Variants in NBAS observed in about 807,000 individuals in gnomAD.
NBAS encodes the protein NBAS subunit of NRZ tethering complex.
Under a neutral mutation model 302.5 loss-of-function variants are expected in NBAS, and 219 were observed. That is an observed-to-expected ratio of 0.72 (90% CI 0.65 to 0.81). The LOEUF (loss-of-function observed/expected upper bound fraction) is 0.81. Ranked by LOEUF, NBAS falls within the 30% of genes least tolerant of loss-of-function variation. The pLI is 0.00. For missense variants in NBAS, 2,932 were observed against 2,841.6 expected, an observed-to-expected ratio of 1.03 and a Z score of -0.72; for synonymous variants, 1,118 against 1,021.6, an observed-to-expected ratio of 1.09 and a Z score of -1.80.
chr2:15,417,321 G>C (rs1227001185), intron 24 of NBAS, among the ~76,000 whole-genome samples: 1 of 152,136 alleles, frequency 6.6e-6, no homozygotes, highest in African/African-American at 2.4e-5. Context: ...TCTGAGTAAA[G>C]GGCAAGCAAG....
the NBAS span, among the ~76,000 whole-genome samples, chr2:14,818,892 C>T: frequency 6.6e-6 from 1 of 151,990 alleles, no homozygotes; most frequent in Admixed American, 6.6e-5. Flanking sequence ...GGTCTTTGAA[C>T]ATCTACACTT....
intron 6 of NBAS, among the ~76,000 whole-genome samples, chr2:15,542,892 T>C (rs1310974233): frequency 6.6e-6 from 1 of 150,970 alleles, no homozygotes; most frequent in Non-Finnish European, 1.5e-5. Context: ...TGCTTTTATA[T>C]GCTAGTTACA....
the NBAS span, among the ~76,000 whole-genome samples, chr2:15,145,376 C>T: frequency 1.4e-5 from 2 of 147,472 alleles, no homozygotes; most frequent in African/African-American, 2.5e-5. Context: ...AGCAAAAATG[C>T]ATTGAGATGT....
At chr2:15,437,940 C>T (rs2148505261) in intron 21 of NBAS, among the ~76,000 whole-genome samples, 1 of 152,262 alleles carries the variant, frequency 6.6e-6, no homozygotes, top group South Asian at 2.1e-4. Context: ...ATATATGTGA[C>T]TGTTTCTTTA....
chr2:15,110,157 C>A, the NBAS span, among the ~76,000 whole-genome samples: 1 of 151,814 alleles, frequency 6.6e-6, no homozygotes, highest in Non-Finnish European at 1.5e-5. Context: ...AAGATGAATA[C>A]CTAAAGGAAG....
chr2:15,379,776 C>T lies in NBAS; in HGVS notation c.3416G>A (p.Gly1139Glu), dbSNP rs2148373674. The T allele has an allele frequency of 6.2e-7, 1 of 1,614,024 alleles. No individual in the cohort carries two copies. The highest frequency in any genetic ancestry group is 2.2e-5 in the East Asian group (1 of 44,848). The part of the protein sequence containing the change: ...SSRLENIHLA[G>E]QMMHCSACSE... Reference sequence around the variant, plus strand: ...ACAAGCACTGCAGTGCATCATCTGTCCAGCCAGGTGGATGTTTTCAAGGCG... The same window carrying T: ...ACAAGCACTGCAGTGCATCATCTGTTCAGCCAGGTGGATGTTTTCAAGGCG... Residue 1139 changes from glycine to glutamate, a missense_variant, in exon 30 of 52, where the codon GGA becomes GAA. Physicochemically the swap from Gly to Glu is moderately conservative, Grantham distance 98 (BLOSUM62 -2). Coordinates refer to ENST00000281513, the MANE Select transcript of NBAS (RefSeq NM_015909.4).
chr2:14,861,691 T>G, the NBAS span, among the ~76,000 whole-genome samples: 3 of 152,240 alleles, frequency 2.0e-5, no homozygotes, highest in Non-Finnish European at 2.9e-5. Flanking sequence ...GGGCTTAAAA[T>G]TTTATATTGC....
chr2:15,121,168 T>C, the NBAS span, among the ~76,000 whole-genome samples: 2 of 152,182 alleles, frequency 1.3e-5, no homozygotes, highest in Non-Finnish European at 2.9e-5. Flanking sequence ...TCATGGGCAA[T>C]CTTTGTTTTT....
the NBAS span, among the ~76,000 whole-genome samples, chr2:14,927,768 C>G: frequency 1.3e-5 from 2 of 152,142 alleles, no homozygotes; most frequent in Non-Finnish European, 2.9e-5. Context: ...AGTGTTATTC[C>G]TGTGGTGATG....
the NBAS span, among the ~76,000 whole-genome samples, chr2:15,076,649 G>A: frequency 6.6e-6 from 1 of 152,178 alleles, no homozygotes; most frequent in Admixed American, 6.5e-5. Context: ...ATTGCTGACT[G>A]AGCCCATAGT....
chr2:15,012,001 T>A, the NBAS span, among the ~76,000 whole-genome samples: 1 of 151,954 alleles, frequency 6.6e-6, no homozygotes, highest in Non-Finnish European at 1.5e-5. Context: ...GAGGAACACA[T>A]CAAACATGAA....
At chr2:14,945,004 A>G in the NBAS span, among the ~76,000 whole-genome samples, 1 of 152,186 alleles carries the variant, frequency 6.6e-6, no homozygotes, top group Non-Finnish European at 1.5e-5. Context: ...AGACAAAGTG[A>G]AGAGGGAGGG....
Position 15,179,068 on chromosome 2 carries a change from G to C in NBAS, c.6760C>G (p.Pro2254Ala). 1 of 1,614,194 alleles carries C rather than the reference G, an allele frequency of 6.2e-7. No individual in the cohort carries two copies. The highest frequency in any genetic ancestry group is 8.5e-7 in the Non-Finnish European group (1 of 1,180,038). The change falls in exon 51 of 52, where the codon CCA becomes GCA. Residue 2254 changes from proline (P) to alanine (A), a missense_variant. Transcript: ENST00000281513. ...CTCTCGAGGAGAAGTTTCAGAGATG[G>C]AAGCAGGAGGGACTGGTTAAGCAGC... ...LLLLNQSLLL[P>A]SLKLLLESRD...
At chr2:14,876,592 G>T in the NBAS span, among the ~76,000 whole-genome samples, 1 of 152,220 alleles carries the variant, frequency 6.6e-6, no homozygotes, top group Non-Finnish European at 1.5e-5. Flanking sequence ...GTGTGGTATT[G>T]CAGTGTTATT....
the NBAS span, among the ~76,000 whole-genome samples, chr2:15,069,976 T>A: frequency 1.6e-5 from 2 of 126,120 alleles, no homozygotes; most frequent in African/African-American, 5.6e-5. Context: ...CTCACTCAGG[T>A]GTGCTACCTT....
At chr2:15,482,624 T>C (rs1042264179) in intron 12 of NBAS, among the ~76,000 whole-genome samples, 2 of 151,662 alleles carry the variant, frequency 1.3e-5, no homozygotes, top group African/African-American at 4.8e-5. Context: ...CTCTGGAACC[T>C]GCAGACAAAA....
chr2:15,201,064 A>G (rs1185513080), intron 48 of NBAS, among the ~76,000 whole-genome samples: 1 of 152,344 alleles, frequency 6.6e-6, no homozygotes, highest in East Asian at 1.9e-4. Context: ...TCTTTTTAAG[A>G]AATGTTTTTT....
the NBAS span, among the ~76,000 whole-genome samples, chr2:15,003,292 A>T: frequency 6.6e-6 from 1 of 152,128 alleles, no homozygotes; most frequent in Non-Finnish European, 1.5e-5. Flanking sequence ...ATGATCAAGG[A>T]GTGTCTGGAT....
At chr2:15,297,268 C>A (rs185018790) in intron 40 of NBAS, among the ~76,000 whole-genome samples, 1 of 152,136 alleles carries the variant, frequency 6.6e-6, no homozygotes, top group Non-Finnish European at 1.5e-5. Context: ...CTTTTATATT[C>A]GGTATGTAGG....
Sources: allele counts gnomAD v4.1 joint callset (sites outside exome capture counted in the v4.1 genomes callset), GRCh38; gene constraint gnomAD v4.1.1; transcripts MANE v1.5; gene names NCBI Gene and HGNC (gene_info 2026-07-23, HGNC 2026-07-21).